Variants in MARCHF1 observed in about 807,000 individuals in gnomAD.
The protein encoded by MARCHF1 is E3 ubiquitin-protein ligase MARCHF1.
Under a neutral mutation model 54.2 loss-of-function variants are expected in MARCHF1, and 40 were observed. The observed-to-expected ratio is 0.74, with a 90% CI of 0.57 to 0.96. The LOEUF is 0.96. Ranked by LOEUF, MARCHF1 falls within the 40% of genes least tolerant of loss-of-function variation. MARCHF1 has a pLI of 0.00. For synonymous variants in MARCHF1, 236 were observed against 236.3 expected, an observed-to-expected ratio of 1.00 and a Z score of 0.01; for missense variants, 586 against 656.5, an observed-to-expected ratio of 0.89 and a Z score of 1.17.
intron 2 of MARCHF1, among the ~76,000 whole-genome samples, chr4:164,013,648 A>G (rs1753473980): frequency 6.6e-6 from 1 of 152,216 alleles, no homozygotes; most frequent in East Asian, 1.9e-4. Flanking sequence ...AGAGAAAAGA[A>G]GCAAATAACA....
chr4:164,339,996 CA>C (rs1377046272), intron 1 of MARCHF1, among the ~76,000 whole-genome samples: 2 of 151,838 alleles, frequency 1.3e-5, no homozygotes, highest in African/African-American at 4.8e-5. Flanking sequence ...CACAATCTAC[CA>C]AGACTAAATC....
chr4:163,585,723 C>G, intron 8 of MARCHF1, 26 bp downstream of exon 8: 2 of 1,515,342 alleles, frequency 1.3e-6, no homozygotes, highest in Non-Finnish European at 1.8e-6. Flanking sequence ...TGGTCCCTCC[C>G]AAACCAATTC....
intron 4 of MARCHF1, among the ~76,000 whole-genome samples, chr4:163,849,804 A>G (rs1204639519): frequency 6.6e-6 from 1 of 152,152 alleles, no homozygotes; most frequent in Non-Finnish European, 1.5e-5. Flanking sequence ...TATCTGTATC[A>G]GAGTGACTGG....
intron 5 of MARCHF1, among the ~76,000 whole-genome samples, chr4:163,641,643 G>A (rs1400372893): frequency 6.6e-6 from 1 of 152,138 alleles, no homozygotes; most frequent in African/African-American, 2.4e-5. Flanking sequence ...AGTCCTAAGA[G>A]GAGTAGAACT....
intron 1 of MARCHF1, among the ~76,000 whole-genome samples, chr4:164,237,951 T>C (rs1230893327): frequency 6.6e-6 from 1 of 152,020 alleles, no homozygotes; most frequent in Admixed American, 6.6e-5. Context: ...TTGATGAATA[T>C]TCAAGAAATT....
At chr4:164,008,369 G>A (rs749458825) in intron 2 of MARCHF1, among the ~76,000 whole-genome samples, 2 of 152,010 alleles carry the variant, frequency 1.3e-5, no homozygotes, top group Admixed American at 6.6e-5. Context: ...GAAACAGAAT[G>A]CAAAACAATA....
chr4:163,694,699 A>T (rs1744566243), intron 5 of MARCHF1, among the ~76,000 whole-genome samples: 2 of 152,136 alleles, frequency 1.3e-5, no homozygotes, highest in South Asian at 4.1e-4. Flanking sequence ...GGGAAATTTG[A>T]TTACCATTTT....
intron 1 of MARCHF1, among the ~76,000 whole-genome samples, chr4:164,252,082 A>G (rs1009502705): frequency 1.3e-5 from 2 of 152,184 alleles, no homozygotes; most frequent in Non-Finnish European, 2.9e-5. Context: ...CTGCCTACAT[A>G]TGAGTATTTA....
chr4:163,762,962 C>T (rs952163788), intron 4 of MARCHF1, among the ~76,000 whole-genome samples: 12 of 152,094 alleles, frequency 7.9e-5, no homozygotes, highest in African/African-American at 1.2e-4. Context: ...ATATAAACCA[C>T]AGAGGCAAAA....
intron 4 of MARCHF1, among the ~76,000 whole-genome samples, chr4:163,730,056 C>G (rs1357276007): frequency 6.6e-6 from 1 of 151,646 alleles, no homozygotes; most frequent in Admixed American, 6.6e-5. Flanking sequence ...CCCAGTTATC[C>G]CTTAGTCTCT....
chr4:163,878,189 T>A (rs932980573), intron 3 of MARCHF1, among the ~76,000 whole-genome samples: 8 of 152,184 alleles, frequency 5.3e-5, no homozygotes, highest in Non-Finnish European at 1.2e-4. Context: ...ACTTTCCGAA[T>A]ACCAGCTTCT....
intron 2 of MARCHF1, among the ~76,000 whole-genome samples, chr4:164,092,827 C>A (rs1755333097): frequency 6.7e-6 from 1 of 150,294 alleles, no homozygotes; most frequent in South Asian, 2.1e-4. Context: ...AAATTGATTT[C>A]TTGATCTACA....
chr4:163,876,612 G>T (rs1579358825), intron 3 of MARCHF1, among the ~76,000 whole-genome samples: 1 of 148,660 alleles, frequency 6.7e-6, no homozygotes, highest in East Asian at 1.9e-4. Context: ...CAGGATCAAG[G>T]TAAGGCACAC....
At chr4:164,088,173 C>T (rs1472460214) in intron 2 of MARCHF1, among the ~76,000 whole-genome samples, 1 of 152,094 alleles carries the variant, frequency 6.6e-6, no homozygotes, top group East Asian at 1.9e-4. Flanking sequence ...CATGGATTTA[C>T]TCTCTAAGAT....
intron 1 of MARCHF1, among the ~76,000 whole-genome samples, chr4:164,356,056 C>T (rs1173724113): frequency 7.3e-6 from 1 of 136,460 alleles, no homozygotes; most frequent in Non-Finnish European, 1.6e-5. Context: ...CAAATCAAAG[C>T]CACTATGAGA....
chr4:164,129,275 T>C (rs1736742662), intron 1 of MARCHF1, among the ~76,000 whole-genome samples: 1 of 152,156 alleles, frequency 6.6e-6, no homozygotes, highest in Admixed American at 6.6e-5. Context: ...TTCGGAAATA[T>C]GATCTCATAA....
chr4:164,134,551 A>C (rs1756363108), intron 1 of MARCHF1, among the ~76,000 whole-genome samples: 1 of 152,154 alleles, frequency 6.6e-6, no homozygotes, highest in Non-Finnish European at 1.5e-5. Flanking sequence ...ATTTGAAACC[A>C]AGGGCATTTC....
In MARCHF1 at chr4:163,950,534, G is replaced by A. The variant is rs962352956; in HGVS notation, c.-39+37967C>T. The stretch of plus-strand genomic sequence containing the variant: ...AGAGATGTCTGGGTCTGCAGCCCTG[G>A]CTAGACAGCGGTGCTCAGGAGGGTG... On this transcript the variant is annotated intron_variant, in intron 3 of 9. Transcript: ENST00000514618. 3.9e-5 allele frequency among the ~76,000 whole-genome samples: 6 copies of A among 152,012 alleles called. No homozygotes were observed. In the South Asian group the frequency reaches 6.2e-4, roughly 16 times the overall value.
At chr4:164,256,793 G>A (rs527267254) in intron 1 of MARCHF1, among the ~76,000 whole-genome samples, 83 of 152,246 alleles carry the variant, frequency 5.5e-4, no homozygotes, top group African/African-American at 2.0e-3. Flanking sequence ...TATGCCCAAC[G>A]GCATATACTT....
Sources: gnomAD v4.1 joint callset for allele counts (sites outside exome capture counted in the v4.1 genomes callset) on GRCh38, gnomAD v4.1.1 for gene constraint, MANE v1.5 for transcripts, NCBI Gene and HGNC (gene_info 2026-07-23, HGNC 2026-07-21) for gene names.